Variants in ADGRG1 observed in about 807,000 individuals in gnomAD.
ADGRG1 encodes the protein 7-transmembrane protein with no EGF-like N-terminal domains-1.
In ADGRG1, 53 loss-of-function variants were observed where a neutral mutation model predicts 73.5. The ratio of observed to expected loss-of-function variants is 0.72; its 90% CI spans 0.58 to 0.91. The LOEUF is 0.91. Ranked by LOEUF, ADGRG1 falls within the 40% of genes least tolerant of loss-of-function variation. The pLI, the probability that ADGRG1 is intolerant of heterozygous loss-of-function variation, is 0.00. For synonymous variants in ADGRG1, 394 were observed against 374.4 expected (o/e 1.05, Z -0.60); for missense variants, 795 against 871.8 (o/e 0.91, Z 1.11).
upstream of ADGRG1, chr16:57,627,118 G>T: frequency 9.6e-6 from 3 of 313,004 alleles, no homozygotes; most frequent in Non-Finnish European, 1.2e-5. Flanking sequence ...TGCACCCCAC[G>T]GGGTGGCTTT....
chr16:57,645,108 AC>A, intron 1 of ADGRG1: 1 of 984,828 alleles, frequency 1.0e-6, no homozygotes, highest in Non-Finnish European at 1.2e-6. Context: ...GTTCATCCTC[AC>A]CCTGCCGCCC....
At chr16:57,621,222 A>G (rs2034738035) in intron 1 of ADGRG1, 2 of 152,008 alleles carry the variant, frequency 1.3e-5, no homozygotes, top group African/African-American at 2.4e-5. Context: ...TCTGTGCCCC[A>G]GGACTTAGGG....
intron 9 of ADGRG1, 119 bp downstream of exon 9, chr16:57,656,736 T>C (rs2045832539): frequency 3.9e-6 from 3 of 765,910 alleles, no homozygotes; most frequent in Non-Finnish European, 7.2e-6. Context: ...GTAGCTTCTA[T>C]TGTTGTCCCA....
intron 1 of ADGRG1, chr16:57,641,942 C>G (rs1178075979): frequency 1.4e-5 from 3 of 209,024 alleles, no homozygotes; most frequent in Non-Finnish European, 2.5e-5. Context: ...GGCTTGAGTA[C>G]TGCGGCATGA....
intron 4 of ADGRG1, 151 bp from the exon 5 acceptor site, chr16:57,653,835 C>T: frequency 6.4e-7 from 1 of 1,562,846 alleles, no homozygotes; most frequent in Non-Finnish European, 8.6e-7. Context: ...GCTCTCCACT[C>T]TCTCTTGCCC....
At chr16:57,654,155 G>A in intron 5 of ADGRG1, 22 bp downstream of exon 5, 1 of 1,606,490 alleles carries the variant, frequency 6.2e-7, no homozygotes, top group Non-Finnish European at 8.5e-7. Flanking sequence ...GCCTGGGCAG[G>A]AAGCAGATGC....
At chr16:57,620,561 T>G (rs1378339388), upstream of ADGRG1, among the ~76,000 whole-genome samples, 1 of 152,152 alleles carries the variant, frequency 6.6e-6, no homozygotes, top group Non-Finnish European at 1.5e-5. Context: ...GGAAACCGGT[T>G]TGGGAGCAGG....
At chr16:57,652,904 C>T (rs767452151) in intron 3 of ADGRG1, 1 of 1,256,132 alleles carries the variant, frequency 8.0e-7, no homozygotes, top group South Asian at 1.6e-5. Context: ...CTGGCTGGGC[C>T]CTCTCTGCTC....
chr16:57,663,207 A>G (rs1390196341), intron 13 of ADGRG1: 2 of 812,992 alleles, frequency 2.5e-6, no homozygotes, highest in Middle Eastern at 6.4e-4. Flanking sequence ...CCTTGTTTAC[A>G]AAAGAGAATA....
At chr16:57,628,577 T>TG, upstream of ADGRG1, 1 of 985,544 alleles carries the variant, frequency 1.0e-6, no homozygotes, top group Non-Finnish European at 1.2e-6. Flanking sequence ...GGAGCCCAGC[T>TG]GGGGCAGGAG....
intron 1 of ADGRG1, among the ~76,000 whole-genome samples, chr16:57,644,456 ACACT>A (rs1303215608): frequency 1.4e-5 from 2 of 147,496 alleles, no homozygotes; most frequent in African/African-American, 5.1e-5. Flanking sequence ...GCACATGCAC[ACACT>A]CATGCACGGG....
At position 57,651,275 on chromosome 16, in the gene ADGRG1, A is replaced by G. The variant is rs756669562; in HGVS notation, c.140A>G (p.His47Arg). ...QRNQTHRSSL[H>R]YKPTPDLRIS... ...AACCAGACACACAGGAGCAGCCTCC[A>G]CTACAAACCCACACCAGACCTGCGC... is the stretch of plus-strand genomic sequence containing the variant. Residue 47 changes from histidine (H) to arginine (R), a missense_variant, in exon 3 of 14, where the codon CAC (histidine) becomes CGC (arginine). His to Arg is a conservative substitution (Grantham distance 29). Coordinates refer to ENST00000562631, the MANE Select transcript of ADGRG1 (RefSeq NM_201525.4). 3.1e-6 allele frequency: 5 copies of G among 1,613,980 alleles called. No individual in the cohort carries two copies. The highest frequency in any genetic ancestry group is 2.7e-5 in the African/African-American group (2 of 74,898).
rs1157848288 is a variant in ADGRG1, at chr16:57,644,305, ACT to A, written c.-35-5946_-35-5945del. 8.1e-5 allele frequency: 44 copies of A among 542,024 alleles called. No individual in the cohort carries two copies. The Admixed American group carries it at 1.7e-3, about 21-fold the overall frequency. The allele number at this position is 542,024 out of a possible 1,614,324, so 33.6% of individuals were successfully genotyped here. ...ATCACACACTCATGCTCAGGCACAC[ACT>A]CATGCACACAAGGACATTCATGCAT... is the stretch of plus-strand genomic sequence containing the variant. On this transcript the variant is annotated intron_variant, in intron 1 of 13. Coordinates refer to ENST00000562631, the MANE Select transcript of ADGRG1 (RefSeq NM_201525.4).
In ADGRG1 at chr16:57,632,758, G is replaced by T. The variant is rs538898200; in HGVS notation, c.-36+3956G>T. 462 of 983,384 alleles carry T rather than the reference G, an allele frequency of 4.7e-4. 6 individuals carry two copies. In the South Asian group the frequency reaches 0.02, roughly 42 times the overall value. The allele number at this position is 983,384 out of a possible 1,614,324, so 60.9% of individuals were successfully genotyped here. ...TTGGCAGTTCCAGGCAGAGATAAAA[G>T]CTCAGCCCCGGAGGAGCTGGCATGC... On this transcript the variant is annotated intron_variant, in intron 1 of 13. Transcript: ENST00000562631.
Position 57,656,218 on chromosome 16 carries a change from C to T in ADGRG1, c.1018-8C>T, listed in dbSNP as rs768508761. ...CACAGAAACCACTCTCCTTTCTTGT[C>T]CCTACAGAAGAATGTGACTCTGCAA... On this transcript the variant is annotated splice_region_variant and splice_polypyrimidine_tract_variant and intron_variant, in intron 7 of 13. Transcript: ENST00000562631. 3.1e-6 allele frequency: 5 copies of T among 1,613,578 alleles called. No homozygotes were observed. The highest frequency in any genetic ancestry group is 4.2e-6 in the Non-Finnish European group (5 of 1,179,636).
chr16:57,637,444 G>A (rs775856088), intron 1 of ADGRG1: 83 of 985,308 alleles, frequency 8.4e-5, no homozygotes, highest in South Asian at 9.4e-5. Flanking sequence ...TGTAAAAGGC[G>A]TGGTGTGCCT....
chr16:57,635,088 T>C, intron 1 of ADGRG1: 1 of 982,010 alleles, frequency 1.0e-6, no homozygotes, highest in Non-Finnish European at 1.2e-6. Context: ...CTGAGGGAGG[T>C]CAGGAGGGCA....
At chr16:57,662,764 C>T (rs1409810098) in intron 13 of ADGRG1, among the ~76,000 whole-genome samples, 1 of 152,158 alleles carries the variant, frequency 6.6e-6, no homozygotes, top group Non-Finnish European at 1.5e-5. Context: ...GGGTCCCTTT[C>T]TGTGCATGTA....
chr16:57,659,226 C>T (rs1269080983), intron 10 of ADGRG1, 187 bp from the exon 11 acceptor site: 1 of 984,738 alleles, frequency 1.0e-6, no homozygotes, highest in African/African-American at 1.8e-5. Flanking sequence ...GCTGGGCACA[C>T]AGTAGGTGCA....
Sources: allele counts gnomAD v4.1 joint callset (sites outside exome capture counted in the v4.1 genomes callset), GRCh38; gene constraint gnomAD v4.1.1; transcripts MANE v1.5; gene names NCBI Gene and HGNC (gene_info 2026-07-23, HGNC 2026-07-21).